The following MPP2 variants were observed in gnomAD, a reference collection of about 807,000 sequenced individuals.
The protein encoded by MPP2 is MAGUK p55 scaffold protein 2.
Under a neutral mutation model 58.5 loss-of-function variants are expected in MPP2, and 42 were observed. That is an observed-to-expected ratio of 0.72 (90% confidence interval 0.56 to 0.93). The LOEUF (loss-of-function observed/expected upper bound fraction) is 0.93. MPP2 is among the 40% of genes least tolerant of loss of function. The pLI is 0.00. For missense variants in MPP2, 632 were observed against 760.4 expected, an observed-to-expected ratio of 0.83 and a Z score of 1.99; for synonymous variants, 300 against 307.8, an observed-to-expected ratio of 0.97 and a Z score of 0.26.
chr17:43,904,604 G>A (rs1278713012), intron 1 of MPP2, 111 bp from the exon 2 acceptor site: 1 of 850,112 alleles, frequency 1.2e-6, no homozygotes, highest in African/African-American at 1.7e-5. Context: ...AGAAGGTGCT[G>A]CCCAGAAAGT....
intron 3 of MPP2, among the ~76,000 whole-genome samples, chr17:43,889,416 G>A (rs1446941248): frequency 1.4e-5 from 2 of 147,798 alleles, no homozygotes; most frequent in Non-Finnish European, 3.0e-5. Context: ...AGCCTGGAGT[G>A]CAATGGCACA....
chr17:43,888,509 G>C (rs977249139), intron 3 of MPP2, among the ~76,000 whole-genome samples: 1 of 152,176 alleles, frequency 6.6e-6, no homozygotes, highest in Non-Finnish European at 1.5e-5. Flanking sequence ...CCAAATAACT[G>C]AGTGTCAAGA....
chr17:43,891,893 T>C (rs1301423136), intron 3 of MPP2, among the ~76,000 whole-genome samples: 1 of 152,220 alleles, frequency 6.6e-6, no homozygotes, highest in Admixed American at 6.5e-5. Flanking sequence ...CTCATGTGAA[T>C]TAGTTCACAA....
At chr17:43,896,753 C>G (rs1406181049) in intron 3 of MPP2, among the ~76,000 whole-genome samples, 1 of 152,188 alleles carries the variant, frequency 6.6e-6, no homozygotes, top group Non-Finnish European at 1.5e-5. Context: ...TTCTCCCTTT[C>G]AGTGACCAGT....
At position 43,876,032 on chromosome 17, in the gene MPP2, CAGG is replaced by C. The variant is rs2046814418; in HGVS notation, c.*1772_*1774del. ...GACACTGACTAAGGGAAAAGAGGAG[CAGG>C]AGAATGAGTGTGTAGTATACGCAGA... On this transcript the variant is annotated 3_prime_UTR_variant, in exon 13 of 13. Coordinates refer to ENST00000269095, the MANE Select transcript of MPP2 (RefSeq NM_005374.5). 6.6e-6 allele frequency: 1 copy of C among 152,438 alleles called. No homozygotes were observed. Among genetic ancestry groups the C allele is most frequent in the Non-Finnish European group, 1.5e-5 (1 of 68,112 alleles). The allele number at this position is 152,438 out of a possible 1,614,324, so 9.4% of individuals were successfully genotyped here.
Position 43,879,348 on chromosome 17 carries a change from G to A in MPP2, c.1409C>T (p.Ala470Val), listed in dbSNP as rs1404874606. The A allele has an allele frequency of 6.2e-7, 1 of 1,614,140 alleles. No individual in the cohort carries two copies. Among genetic ancestry groups the A allele is most frequent in the African/African-American group, 1.3e-5 (1 of 75,030 alleles). ...GGCCCGCAGGGTCTCGAAGTCTGGG[G>A]CCTCGATGAACACCACGTAAGGGAC... ...EFVPYVVFIEAPDFETLRAMN... is the reference protein window; with the variant it reads ...EFVPYVVFIEVPDFETLRAMN... The change falls in exon 12 of 13, where the codon GCC becomes GTC. Residue 470 changes from alanine (A) to valine (V), a missense_variant. Coordinates refer to ENST00000269095, the MANE Select transcript of MPP2 (RefSeq NM_005374.5). This position sits in a 1 kb window ranked among gnomAD's most constrained non-coding sequence, Gnocchi z 4.1.
chr17:43,909,049 C>T (rs1036528209), upstream of MPP2, among the ~76,000 whole-genome samples: 3 of 151,716 alleles, frequency 2.0e-5, no homozygotes, highest in Admixed American at 6.6e-5. Context: ...CTAGAAAATC[C>T]TTCTTCTTCT....
chr17:43,884,392 T>C (rs1359089665), intron 3 of MPP2, among the ~76,000 whole-genome samples: 1 of 152,236 alleles, frequency 6.6e-6, no homozygotes, highest in Non-Finnish European at 1.5e-5. Flanking sequence ...TTGTTTCTGT[T>C]TTTGTTTTGT....
At chr17:43,893,448 T>C (rs1039009095) in intron 3 of MPP2, among the ~76,000 whole-genome samples, 1 of 152,200 alleles carries the variant, frequency 6.6e-6, no homozygotes, top group Non-Finnish European at 1.5e-5. Context: ...AGCAGTGACA[T>C]ACACATCTCT....
intron 3 of MPP2, among the ~76,000 whole-genome samples, chr17:43,883,761 G>C (rs2047248972): frequency 6.6e-6 from 1 of 152,090 alleles, no homozygotes; most frequent in South Asian, 2.1e-4. Flanking sequence ...TAGGGAGGTA[G>C]AATAACTTTC....
In MPP2 at chr17:43,879,110, T is replaced by TCC. The variant is rs926705868; in HGVS notation, c.1482+163_1482+164dup. ...GACTTTGGACTTCCTCTCTCAGACC[T>TCC]CCCCTTCCACATCTATGCAGGGGGG... On this transcript the variant is annotated intron_variant, in intron 12 of 12. Coordinates refer to ENST00000269095, the MANE Select transcript of MPP2 (RefSeq NM_005374.5). This position sits in a 1 kb window ranked among gnomAD's most constrained non-coding sequence, Gnocchi z 4.1. Among the ~76,000 whole-genome samples, 3 of 152,084 alleles carry TCC rather than the reference T, an allele frequency of 2.0e-5. No individual in the cohort carries two copies. Among genetic ancestry groups the TCC allele is most frequent in the Non-Finnish European group, 4.4e-5 (3 of 67,998 alleles).
intron 3 of MPP2, among the ~76,000 whole-genome samples, chr17:43,894,418 A>AATATATATATATAT (rs1382579250): frequency 2.6e-4 from 20 of 77,376 alleles, no homozygotes; most frequent in South Asian, 2.3e-3. Flanking sequence ...TCCATCTCAA[A>AATATATATATATAT]ATATATATAT....
rs1597739203 is a variant in MPP2, at chr17:43,876,078, G to C, written c.*1729C>G. Reference sequence around the variant, plus strand: ...TACGCAGAGCCACACCAACGAGATGGGGGCAGGCCTGGCCTTTCCACCCCA... The same window carrying C: ...TACGCAGAGCCACACCAACGAGATGCGGGCAGGCCTGGCCTTTCCACCCCA... On this transcript the variant is annotated 3_prime_UTR_variant, in exon 13 of 13. Coordinates refer to ENST00000269095, the MANE Select transcript of MPP2 (RefSeq NM_005374.5). The C allele has an allele frequency of 6.5e-6, 1 of 152,694 alleles. No homozygotes were observed. The highest frequency in any genetic ancestry group is 3.4e-3 in the Middle Eastern group (1 of 294). The allele number at this position is 152,694 out of a possible 1,614,324, so 9.5% of individuals were successfully genotyped here. A position where few individuals can be genotyped will look rare whatever the true frequency, so the allele number is the denominator to read the frequency against.
At position 43,898,967 on chromosome 17, in the gene MPP2, C is replaced by T. The variant is rs370594312; in HGVS notation, c.32-587G>A. Among the ~76,000 whole-genome samples the T allele has an allele frequency of 5.3e-5, 8 of 150,004 alleles. No homozygotes were observed. The East Asian group carries it at 8.0e-4, about 15-fold the overall frequency. ...GTGGCAGAGCAAGACTGTCTCTGGC[C>T]GGGCGCGGTGGCTCACGCCTGTAAT... On this transcript the variant is annotated intron_variant, in intron 2 of 12. Coordinates refer to ENST00000269095, the MANE Select transcript of MPP2 (RefSeq NM_005374.5).
chr17:43,881,462 C>A lies in MPP2; in HGVS notation c.809G>T (p.Trp270Leu). Residue 270 changes from tryptophan to leucine, a missense_variant, in exon 7 of 13, where the codon TGG (tryptophan) becomes TTG (leucine). Coordinates refer to ENST00000269095, the MANE Select transcript of MPP2 (RefSeq NM_005374.5). ...QIVNQDDANW[W>L]QACHVEGGSA... ...GCGGGGGTGCCCGCAGCTCACCTGC[C>A]ACCAGTTGGCATCATCCTGGTTTAC... 2 of 1,614,108 alleles carry A rather than the reference C, an allele frequency of 1.2e-6. No individual in the cohort carries two copies. The highest frequency in any genetic ancestry group is 1.7e-6 in the Non-Finnish European group (2 of 1,179,992).
chr17:43,900,466 C>T, intron 2 of MPP2: 2 of 1,549,234 alleles, frequency 1.3e-6, no homozygotes, highest in Non-Finnish European at 1.7e-6. Context: ...CCCGCCCTTC[C>T]CTACCTTCCC....
chr17:43,880,904 C>G lies in MPP2; in HGVS notation c.989-52G>C. 6.4e-7 allele frequency: 1 copy of G among 1,567,006 alleles called. No homozygotes were observed. The highest frequency in any genetic ancestry group is 8.7e-7 in the Non-Finnish European group (1 of 1,154,412). ...ACCAGGCTGCACGGTGAGGGAGGGG[C>G]GGAGCTCTCAGGGAGGCTGAGGGCA... On this transcript the variant is annotated intron_variant, in intron 9 of 12. Coordinates refer to ENST00000269095, the MANE Select transcript of MPP2 (RefSeq NM_005374.5). The surrounding 1 kb of genome is among the most constrained non-coding windows in gnomAD (Gnocchi z 5.2).
intron 2 of MPP2, among the ~76,000 whole-genome samples, chr17:43,900,925 C>T (rs538750320): frequency 1.2e-4 from 19 of 152,224 alleles, no homozygotes; most frequent in Non-Finnish European, 2.5e-4. Context: ...GAGACCCTCC[C>T]CTCACAGCCA....
intron 2 of MPP2, among the ~76,000 whole-genome samples, chr17:43,903,845 C>T (rs1718010170): frequency 6.6e-6 from 1 of 152,194 alleles, no homozygotes; most frequent in South Asian, 2.1e-4. Flanking sequence ...AAGCAGTTTG[C>T]CACTGAGGCT....
Sources: allele counts gnomAD v4.1 joint callset (sites outside exome capture counted in the v4.1 genomes callset), GRCh38; gene constraint gnomAD v4.1.1; non-coding constraint Gnocchi (gnomAD v3.1); transcripts MANE v1.5; gene names NCBI Gene and HGNC (gene_info 2026-07-23, HGNC 2026-07-21).